SEMA3E: variants seen among roughly 807,000 people sequenced by gnomAD.
SEMA3E encodes semaphorin 3E.
SEMA3E carries 49 observed loss-of-function variants against 93.6 expected under a neutral mutation model. The ratio of observed to expected loss-of-function variants is 0.52; its 90% CI spans 0.42 to 0.66. SEMA3E has a LOEUF of 0.66. Among genes scored for constraint, SEMA3E ranks in the 30% least tolerant of loss-of-function variants. The pLI is 0.00. For synonymous variants in SEMA3E, 363 were observed against 330.7 expected (o/e 1.10, Z -1.06); for missense variants, 906 against 964.8 (o/e 0.94, Z 0.81).
At chr7:83,545,206 T>C (rs968427401) in intron 1 of SEMA3E, among the ~76,000 whole-genome samples, 2 of 152,070 alleles carry the variant, frequency 1.3e-5, no homozygotes, top group African/African-American at 4.8e-5. Flanking sequence ...GGAGCCATAA[T>C]TGAATAAGCT....
intron 1 of SEMA3E, among the ~76,000 whole-genome samples, chr7:83,574,470 AAGAG>A (rs199677144): frequency 2.6e-5 from 3 of 114,954 alleles, no homozygotes; most frequent in African/African-American, 8.7e-5. Context: ...AAAAAAAAAA[AAGAG>A]AGAGAGAGAC....
intron 11 of SEMA3E, among the ~76,000 whole-genome samples, chr7:83,398,790 C>A (rs1788177989): frequency 6.6e-6 from 1 of 151,882 alleles, no homozygotes; most frequent in Admixed American, 6.6e-5. Context: ...ACTAAAAATA[C>A]AAAATTAGGC....
chr7:83,587,810 A>G (rs1410164766), intron 1 of SEMA3E, among the ~76,000 whole-genome samples: 2 of 151,922 alleles, frequency 1.3e-5, no homozygotes, highest in African/African-American at 2.4e-5. Context: ...TTCAGTGGCA[A>G]GATATGCAAC....
intron 2 of SEMA3E, among the ~76,000 whole-genome samples, chr7:83,483,826 A>C (rs548156406): frequency 2.1e-4 from 32 of 152,230 alleles, no homozygotes; most frequent in African/African-American, 7.7e-4. Context: ...CCATTTTCTA[A>C]ATGAAGTTAA....
At chr7:83,608,803 G>A (rs1478473970) in intron 1 of SEMA3E, among the ~76,000 whole-genome samples, 1 of 151,942 alleles carries the variant, frequency 6.6e-6, no homozygotes, top group African/African-American at 2.4e-5. Flanking sequence ...TTTTCAACTG[G>A]TATATAACCC....
intron 1 of SEMA3E, among the ~76,000 whole-genome samples, chr7:83,561,590 T>C (rs1284658560): frequency 6.6e-6 from 1 of 152,116 alleles, no homozygotes; most frequent in South Asian, 2.1e-4. Flanking sequence ...TCTGCCCTTT[T>C]CAGGAGTGCC....
chr7:83,609,630 T>C (rs2115576226), intron 1 of SEMA3E, among the ~76,000 whole-genome samples: 1 of 152,096 alleles, frequency 6.6e-6, no homozygotes, highest in East Asian at 1.9e-4. Context: ...CTAAACTATA[T>C]ATTGTGATCA....
At chr7:83,565,051 G>C (rs1792114877) in intron 1 of SEMA3E, among the ~76,000 whole-genome samples, 1 of 152,110 alleles carries the variant, frequency 6.6e-6, no homozygotes, top group Admixed American at 6.5e-5. Context: ...ACTACCATCA[G>C]AGAATACTAT....
chr7:83,560,482 A>G (rs1792008677), intron 1 of SEMA3E, among the ~76,000 whole-genome samples: 1 of 152,094 alleles, frequency 6.6e-6, no homozygotes, highest in Non-Finnish European at 1.5e-5. Flanking sequence ...ATTCTTATCC[A>G]TAGAAATTCA....
At chr7:83,461,216 G>A (rs1274759139) in intron 4 of SEMA3E, among the ~76,000 whole-genome samples, 1 of 152,038 alleles carries the variant, frequency 6.6e-6, no homozygotes, top group East Asian at 1.9e-4. Context: ...TCTGTGCCCA[G>A]TGCAACTCGT....
intron 1 of SEMA3E, among the ~76,000 whole-genome samples, chr7:83,496,165 C>A (rs1790487279): frequency 6.6e-6 from 1 of 151,858 alleles, no homozygotes; most frequent in Non-Finnish European, 1.5e-5. Flanking sequence ...CAGTACAGAG[C>A]TAAGGTTATT....
chr7:83,443,916 G>GATAT (rs60405752), intron 4 of SEMA3E, among the ~76,000 whole-genome samples: 242 of 147,436 alleles, frequency 1.6e-3, no homozygotes, highest in South Asian at 3.3e-3. Flanking sequence ...ATAATGACCT[G>GATAT]ATATATATAT....
intron 1 of SEMA3E, among the ~76,000 whole-genome samples, chr7:83,606,753 A>G (rs992164326): frequency 1.5e-4 from 17 of 111,034 alleles, no homozygotes; most frequent in African/African-American, 5.2e-4. Flanking sequence ...CCTAAAACTT[A>G]AAGTATAATA....
At chr7:83,421,905 C>T (rs1459508901) in intron 4 of SEMA3E, among the ~76,000 whole-genome samples, 1 of 152,132 alleles carries the variant, frequency 6.6e-6, no homozygotes, top group Non-Finnish European at 1.5e-5. Context: ...GTGCCGGGCA[C>T]GGTGGCTCAC....
chr7:83,639,743 C>T (rs994347398), intron 1 of SEMA3E, among the ~76,000 whole-genome samples: 2 of 150,142 alleles, frequency 1.3e-5, no homozygotes, highest in African/African-American at 2.5e-5. Context: ...AGCCTCAGTT[C>T]GATGATTTAG....
At chr7:83,388,350 TATATA>T (rs1480695808) in intron 14 of SEMA3E, among the ~76,000 whole-genome samples, 30 of 144,638 alleles carry the variant, frequency 2.1e-4, no homozygotes, top group East Asian at 4.0e-4. Context: ...TATCTTTAAA[TATATA>T]ATATAACATT....
intron 14 of SEMA3E, among the ~76,000 whole-genome samples, chr7:83,388,234 G>A (rs1302242125): frequency 2.0e-5 from 3 of 148,560 alleles, no homozygotes; most frequent in Non-Finnish European, 3.0e-5. Context: ...GCCTGAAACC[G>A]GGAGGTGAAG....
At position 83,424,578 on chromosome 7, in the gene SEMA3E, T is replaced by G. The variant is rs73707830; in HGVS notation, c.457-6095A>C. 3.5e-3 allele frequency among the ~76,000 whole-genome samples: 533 copies of G among 152,316 alleles called. 5 individuals are homozygous for G. The highest frequency in any genetic ancestry group is 0.012 in the African/African-American group (505 of 41,572). On this transcript the variant is annotated intron_variant, in intron 4 of 16. Transcript: ENST00000643230. ...AAGAAGCTTCCAAAATCTCTTTACC[T>G]TAATTGAATAATTGTTTCCACAACA...
At chr7:83,553,333 A>T (rs1770388243) in intron 1 of SEMA3E, among the ~76,000 whole-genome samples, 1 of 151,856 alleles carries the variant, frequency 6.6e-6, no homozygotes, top group Non-Finnish European at 1.5e-5. Flanking sequence ...AGTCATCCAC[A>T]CTCACAATTT....
Sources: gnomAD v4.1 joint callset for allele counts (sites outside exome capture counted in the v4.1 genomes callset) on GRCh38, gnomAD v4.1.1 for gene constraint, MANE v1.5 for transcripts, NCBI Gene and HGNC (gene_info 2026-07-23, HGNC 2026-07-21) for gene names.